The following CPNE8 variants were observed in gnomAD, a reference collection of about 807,000 sequenced individuals.
CPNE8 encodes the protein copine-8.
In CPNE8, 45 loss-of-function variants were observed where a neutral mutation model predicts 81.5. The ratio of observed to expected loss-of-function variants is 0.55; its 90% CI spans 0.44 to 0.71. The LOEUF is 0.71. Ranked by LOEUF, CPNE8 falls within the 30% of genes least tolerant of loss-of-function variation. The pLI, the probability that CPNE8 is intolerant of heterozygous loss-of-function variation, is 0.00. For synonymous variants in CPNE8, 252 were observed against 226.3 expected, an observed-to-expected ratio of 1.11 and a Z score of -1.02; for missense variants, 594 against 672.1, an observed-to-expected ratio of 0.88 and a Z score of 1.28.
At chr12:38,662,025 A>G (rs1293562436) in intron 19 of CPNE8, among the ~76,000 whole-genome samples, 2 of 152,178 alleles carry the variant, frequency 1.3e-5, no homozygotes, top group Non-Finnish European at 1.5e-5. Context: ...ATAAAGGCCA[A>G]TATGACAAAC....
chr12:38,793,311 G>A (rs965217272), intron 6 of CPNE8, among the ~76,000 whole-genome samples: 1 of 139,274 alleles, frequency 7.2e-6, no homozygotes, highest in African/African-American at 2.6e-5. Context: ...CATGCATTAT[G>A]TAGAAAATTC....
intron 6 of CPNE8, among the ~76,000 whole-genome samples, chr12:38,794,510 T>C (rs1942407636): frequency 6.6e-6 from 1 of 152,102 alleles, no homozygotes; most frequent in Non-Finnish European, 1.5e-5. Flanking sequence ...AGTAAGCATT[T>C]TTCCAAAAGT....
chr12:38,717,456 TATAC>T lies in CPNE8; in HGVS notation c.914+6312_914+6315del, dbSNP rs1426572684. On this transcript the variant is annotated intron_variant, in intron 13 of 19. Transcript: ENST00000331366. The stretch of plus-strand genomic sequence containing the variant: ...ATATATATATATATATATATATATA[TATAC>T]ACCATGGAATACTACTCAGTCATTA... 7.7e-4 allele frequency among the ~76,000 whole-genome samples: 108 copies of T among 139,506 alleles called. 14 individuals are homozygous for T. The highest frequency in any genetic ancestry group is 4.8e-3 in the East Asian group (23 of 4,824). 91.5% of individuals were successfully genotyped at this position (139,506 alleles called of 152,430 possible).
At chr12:38,798,911 A>G (rs1175123114) in intron 6 of CPNE8, among the ~76,000 whole-genome samples, 1 of 152,210 alleles carries the variant, frequency 6.6e-6, no homozygotes, top group Non-Finnish European at 1.5e-5. Flanking sequence ...AGTCTCTGAT[A>G]AAACAGACTT....
At chr12:38,808,635 G>T (rs1487423561) in intron 6 of CPNE8, among the ~76,000 whole-genome samples, 1 of 149,568 alleles carries the variant, frequency 6.7e-6, no homozygotes, top group South Asian at 2.1e-4. Flanking sequence ...GATAGCATTA[G>T]GAGATATATC....
At chr12:38,781,613 C>A (rs576378077) in intron 6 of CPNE8, among the ~76,000 whole-genome samples, 2 of 152,128 alleles carry the variant, frequency 1.3e-5, no homozygotes, top group South Asian at 4.1e-4. Context: ...CATGCATCTA[C>A]TATTATAGCT....
chr12:38,705,369 A>C (rs1333896727), intron 13 of CPNE8, among the ~76,000 whole-genome samples: 2 of 152,180 alleles, frequency 1.3e-5, no homozygotes, highest in African/African-American at 4.8e-5. Context: ...AATACAATGC[A>C]GGGATTGAAT....
At position 38,700,820 on chromosome 12, in the gene CPNE8, G is replaced by C. The variant is rs1029945974; in HGVS notation, c.961+2055C>G. Among the ~76,000 whole-genome samples, 4 of 152,006 alleles carry C rather than the reference G, an allele frequency of 2.6e-5. No homozygotes were observed. In the South Asian group the frequency reaches 6.2e-4, roughly 24 times the overall value. ...GTGAATAAGTCTCATAAGATCTGAT[G>C]GTCTTATAAAGGGGAGTTCCCTTGC... On this transcript the variant is annotated intron_variant, in intron 14 of 19. Coordinates refer to ENST00000331366, the MANE Select transcript of CPNE8 (RefSeq NM_153634.3).
At chr12:38,870,993 T>C (rs1327926259) in intron 3 of CPNE8, among the ~76,000 whole-genome samples, 1 of 152,088 alleles carries the variant, frequency 6.6e-6, no homozygotes, top group Non-Finnish European at 1.5e-5. Context: ...ACTAAATTAG[T>C]CAATATTTGT....
intron 16 of CPNE8, among the ~76,000 whole-genome samples, chr12:38,683,009 G>C (rs908099271): frequency 6.6e-6 from 1 of 152,154 alleles, no homozygotes; most frequent in Non-Finnish European, 1.5e-5. Flanking sequence ...GAAATCAGAA[G>C]CAGGGGCTGG....
At chr12:38,887,692 A>G (rs1004933934) in intron 1 of CPNE8, among the ~76,000 whole-genome samples, 1 of 152,210 alleles carries the variant, frequency 6.6e-6, no homozygotes, top group African/African-American at 2.4e-5. Context: ...ATACAACTGT[A>G]TCAGAAGGAA....
chr12:38,654,179 G>A (rs1278137743), intron 19 of CPNE8, 109 bp from the exon 20 acceptor site: 3 of 1,293,220 alleles, frequency 2.3e-6, no homozygotes, highest in Non-Finnish European at 2.0e-6. Context: ...CAGGGAATCT[G>A]AGAGTAATGG....
intron 6 of CPNE8, among the ~76,000 whole-genome samples, chr12:38,798,050 G>A (rs1445291065): frequency 6.6e-6 from 1 of 152,120 alleles, no homozygotes; most frequent in Admixed American, 6.5e-5. Flanking sequence ...GGGACTATGT[G>A]AAAAGACCAA....
chr12:38,836,364 C>T (rs558697364), intron 5 of CPNE8, among the ~76,000 whole-genome samples: 3 of 152,148 alleles, frequency 2.0e-5, no homozygotes, highest in South Asian at 2.1e-4. Context: ...TGATCATTTA[C>T]GTCTTATGTC....
chr12:38,734,557 G>C (rs886099590), intron 10 of CPNE8, among the ~76,000 whole-genome samples: 1 of 151,826 alleles, frequency 6.6e-6, no homozygotes, highest in Non-Finnish European at 1.5e-5. Flanking sequence ...ATATAATATG[G>C]ACCAATGGCA....
intron 10 of CPNE8, among the ~76,000 whole-genome samples, chr12:38,732,849 C>G (rs989697462): frequency 6.6e-6 from 1 of 151,944 alleles, no homozygotes; most frequent in Non-Finnish European, 1.5e-5. Flanking sequence ...TATTAGTCCT[C>G]CTTTCTAAAT....
At chr12:38,854,432 A>G (rs1253307473) in intron 3 of CPNE8, among the ~76,000 whole-genome samples, 1 of 116,156 alleles carries the variant, frequency 8.6e-6, no homozygotes, top group Non-Finnish European at 1.7e-5. Flanking sequence ...ACCCTGACTA[A>G]CACACCCTGA....
intron 3 of CPNE8, among the ~76,000 whole-genome samples, chr12:38,863,842 G>C (rs56139608): frequency 0.045 from 6,812 of 152,088 alleles, 390 homozygotes; most frequent in African/African-American, 0.13. Flanking sequence ...CACAAGGTCG[G>C]AGATCGAGAC....
intron 5 of CPNE8, among the ~76,000 whole-genome samples, chr12:38,832,309 G>GAA (rs528327073): frequency 6.9e-4 from 105 of 152,266 alleles, no homozygotes; most frequent in African/African-American, 2.4e-3. Flanking sequence ...GGACTCTACA[G>GAA]AAAAAGCCCC....
Sources: allele counts gnomAD v4.1 joint callset (sites outside exome capture counted in the v4.1 genomes callset), GRCh38; gene constraint gnomAD v4.1.1; transcripts MANE v1.5; gene names NCBI Gene and HGNC (gene_info 2026-07-23, HGNC 2026-07-21).